The following DPYD variants were observed in gnomAD, a reference collection of about 807,000 sequenced individuals.
The protein encoded by DPYD is dihydropyrimidine dehydrogenase, also known as dihydropyrimidine dehydrogenase [NADP(+)].
Under a neutral mutation model 116.2 loss-of-function variants are expected in DPYD, and 109 were observed. The ratio of observed to expected loss-of-function variants is 0.94; its 90% CI spans 0.80 to 1.10. The LOEUF (loss-of-function observed/expected upper bound fraction) is 1.10. Among genes scored for constraint, DPYD ranks in the 50% least tolerant of loss-of-function variants. The pLI is 0.00. For synonymous variants in DPYD, 440 were observed against 432.0 expected (o/e 1.02, Z -0.23); for missense variants, 1,302 against 1,254.5 (o/e 1.04, Z -0.57).
chr1:97,179,218 T>C (rs1423724630), intron 20 of DPYD, among the ~76,000 whole-genome samples: 1 of 152,222 alleles, frequency 6.6e-6, no homozygotes, highest in Non-Finnish European at 1.5e-5. Context: ...ATAAAGATTA[T>C]ATACAGTAGC....
At chr1:97,816,589 C>A (rs1668620945) in intron 3 of DPYD, among the ~76,000 whole-genome samples, 1 of 152,074 alleles carries the variant, frequency 6.6e-6, no homozygotes, top group Non-Finnish European at 1.5e-5. Context: ...CTATACAAAG[C>A]TAATTGTCCA....
intron 18 of DPYD, among the ~76,000 whole-genome samples, chr1:97,293,681 C>G (rs1666349117): frequency 6.6e-6 from 1 of 152,172 alleles, no homozygotes; most frequent in South Asian, 2.1e-4. Context: ...GTGGCTCATG[C>G]CTGTAATCTC....
intron 2 of DPYD, among the ~76,000 whole-genome samples, chr1:97,880,147 G>A (rs927856645): frequency 6.6e-6 from 1 of 151,660 alleles, no homozygotes; most frequent in Non-Finnish European, 1.5e-5. Flanking sequence ...AGGAGATAAC[G>A]AGATAACCAA....
At chr1:97,553,761 T>C (rs1411356898) in intron 11 of DPYD, among the ~76,000 whole-genome samples, 2 of 152,080 alleles carry the variant, frequency 1.3e-5, no homozygotes, top group Non-Finnish European at 2.9e-5. Context: ...GACTGTGGCA[T>C]ATGTCCCAGG....
At chr1:97,521,186 T>C (rs1177547693) in intron 12 of DPYD, among the ~76,000 whole-genome samples, 2 of 152,166 alleles carry the variant, frequency 1.3e-5, no homozygotes, top group Admixed American at 1.3e-4. Flanking sequence ...CGTGAGATGG[T>C]ATCTCATTGT....
intron 14 of DPYD, among the ~76,000 whole-genome samples, chr1:97,443,238 C>CT (rs987791052): frequency 1.3e-5 from 2 of 152,038 alleles, no homozygotes; most frequent in Non-Finnish European, 2.9e-5. Context: ...GATATATTCT[C>CT]TTTTTTTGTA....
chr1:97,655,324 A>T (rs1658843383), intron 8 of DPYD, among the ~76,000 whole-genome samples: 1 of 152,186 alleles, frequency 6.6e-6, no homozygotes, highest in African/African-American at 2.4e-5. Flanking sequence ...ACACAAAAGT[A>T]TGTACATCTT....
At chr1:97,767,632 T>C (rs536502939) in intron 3 of DPYD, among the ~76,000 whole-genome samples, 14 of 152,032 alleles carry the variant, frequency 9.2e-5, no homozygotes, top group Admixed American at 3.3e-4. Context: ...AAATCCCAAA[T>C]GTGTGAAAGA....
intron 20 of DPYD, among the ~76,000 whole-genome samples, chr1:97,150,847 A>T (rs1179157092): frequency 6.6e-6 from 1 of 152,218 alleles, no homozygotes; most frequent in African/African-American, 2.4e-5. Flanking sequence ...AACTACACAC[A>T]AATAGAATAT....
At chr1:97,361,715 C>T (rs6676439) in intron 16 of DPYD, among the ~76,000 whole-genome samples, 1,992 of 152,318 alleles carry the variant, frequency 0.013, 50 homozygotes, top group African/African-American at 0.046. Flanking sequence ...ATATGATTAT[C>T]TCAATAGATG....
At chr1:97,807,262 A>G (rs937241188) in intron 3 of DPYD, among the ~76,000 whole-genome samples, 1 of 152,000 alleles carries the variant, frequency 6.6e-6, no homozygotes, top group Admixed American at 6.6e-5. Flanking sequence ...GGCTTTACTA[A>G]TTTTGCATTC....
chr1:97,916,213 T>A (rs1674203057), intron 1 of DPYD, among the ~76,000 whole-genome samples: 1 of 152,310 alleles, frequency 6.6e-6, no homozygotes, highest in African/African-American at 2.4e-5. Flanking sequence ...ACTTTAAGTT[T>A]TAGGGTACAT....
intron 20 of DPYD, among the ~76,000 whole-genome samples, chr1:97,142,557 G>A (rs769939193): frequency 3.3e-5 from 5 of 152,040 alleles, no homozygotes; most frequent in African/African-American, 7.2e-5. Flanking sequence ...GCATATCTCC[G>A]TCAGATTTCA....
At chr1:97,474,692 T>C (rs1677852843) in intron 13 of DPYD, among the ~76,000 whole-genome samples, 1 of 152,012 alleles carries the variant, frequency 6.6e-6, no homozygotes, top group Admixed American at 6.5e-5. Context: ...AAGAACAAAC[T>C]TGTGGTGGCA....
intron 18 of DPYD, among the ~76,000 whole-genome samples, chr1:97,268,995 A>G (rs1308708154): frequency 6.6e-6 from 1 of 152,114 alleles, no homozygotes; most frequent in Non-Finnish European, 1.5e-5. Flanking sequence ...CATCTTTAAA[A>G]CATTTCTCTC....
chr1:97,283,911 C>A (rs1444959952), intron 18 of DPYD, among the ~76,000 whole-genome samples: 1 of 152,046 alleles, frequency 6.6e-6, no homozygotes, highest in Non-Finnish European at 1.5e-5. Context: ...GGACCTCAGG[C>A]CTTGGTATTG....
At chr1:97,116,994 CAAAAAAA>C (rs397784957) in intron 20 of DPYD, among the ~76,000 whole-genome samples, 1 of 107,184 alleles carries the variant, frequency 9.3e-6, no homozygotes, top group Non-Finnish European at 2.0e-5. Context: ...ACTAAAAATA[CAAAAAAA>C]AAAAAAAAAA....
chr1:97,384,032 C>A lies in DPYD; in HGVS notation c.1906-1571G>T, dbSNP rs535126084. ...GCTGAGATGGGAGGATCACTTGAAT[C>A]CAGGTGTTCAAGGTTACAGGGAGGT... On this transcript the variant is annotated intron_variant, in intron 14 of 22. Coordinates refer to ENST00000370192, the MANE Select transcript of DPYD (RefSeq NM_000110.4). 9.9e-5 allele frequency among the ~76,000 whole-genome samples: 15 copies of A among 152,196 alleles called. No homozygotes were observed. The South Asian group carries it at 3.1e-3, about 32-fold the overall frequency.
At chr1:97,169,331 T>C (rs1656551592) in intron 20 of DPYD, among the ~76,000 whole-genome samples, 1 of 152,156 alleles carries the variant, frequency 6.6e-6, no homozygotes, top group Non-Finnish European at 1.5e-5. Flanking sequence ...TTACTGATGA[T>C]ATCAGTAATC....
Sources: allele counts gnomAD v4.1 joint callset (sites outside exome capture counted in the v4.1 genomes callset), GRCh38; gene constraint gnomAD v4.1.1; transcripts MANE v1.5; gene names NCBI Gene and HGNC (gene_info 2026-07-23, HGNC 2026-07-21).